The following NDUFAB1 variants were observed in gnomAD, a reference collection of about 807,000 sequenced individuals.
The protein encoded by NDUFAB1 is acyl carrier protein, mitochondrial.
In NDUFAB1, 5 loss-of-function variants were observed where a neutral mutation model predicts 16.1. The ratio of observed to expected loss-of-function variants is 0.31; its 90% confidence interval spans 0.16 to 0.65. The LOEUF (loss-of-function observed/expected upper bound fraction) is 0.65. Ranked by LOEUF, NDUFAB1 falls within the 30% of genes least tolerant of loss-of-function variation. The pLI, the probability that NDUFAB1 is intolerant of heterozygous loss-of-function variation, is 0.77. For synonymous variants in NDUFAB1, 85 were observed against 78.4 expected (o/e 1.08, Z -0.44); for missense variants, 187 against 205.3 (o/e 0.91, Z 0.54).
intron 1 of NDUFAB1, among the ~76,000 whole-genome samples, chr16:23,589,534 G>T (rs759522248): frequency 3.3e-5 from 5 of 152,144 alleles, no homozygotes; most frequent in Admixed American, 1.3e-4. Flanking sequence ...AAATAAAATG[G>T]AGAAGAAAGG....
intron 1 of NDUFAB1, 138 bp from the exon 2 acceptor site, chr16:23,587,457 A>G: frequency 9.3e-7 from 1 of 1,070,444 alleles, no homozygotes; most frequent in Non-Finnish European, 1.3e-6. Flanking sequence ...TGTGGCCACC[A>G]GGACACACTA....
intron 1 of NDUFAB1, among the ~76,000 whole-genome samples, chr16:23,589,910 T>C (rs536610494): frequency 3.2e-5 from 4 of 124,196 alleles, no homozygotes; most frequent in East Asian, 4.8e-4. Context: ...CACTCCAGCC[T>C]GGGCGGCAGG....
chr16:23,594,967 A>T (rs1393688291), intron 1 of NDUFAB1, among the ~76,000 whole-genome samples: 2 of 151,450 alleles, frequency 1.3e-5, no homozygotes, highest in Non-Finnish European at 2.9e-5. Flanking sequence ...AACAACAAAA[A>T]AAAGGCAGGG....
At chr16:23,590,585 G>A (rs1387442809) in intron 1 of NDUFAB1, among the ~76,000 whole-genome samples, 4 of 150,864 alleles carry the variant, frequency 2.7e-5, no homozygotes, top group African/African-American at 9.8e-5. Context: ...TGGCTGTAGC[G>A]TAGCCCCAAA....
chr16:23,591,304 G>C (rs1384578954), intron 1 of NDUFAB1, among the ~76,000 whole-genome samples: 1 of 152,186 alleles, frequency 6.6e-6, no homozygotes, highest in Admixed American at 6.5e-5. Flanking sequence ...ATCAGAGAAG[G>C]TACTGTTTGC....
chr16:23,584,315 A>G (rs1284639415), intron 3 of NDUFAB1, among the ~76,000 whole-genome samples: 1 of 144,166 alleles, frequency 6.9e-6, no homozygotes, highest in Non-Finnish European at 1.5e-5. Context: ...CATCCTCCCT[A>G]GCTCTGGCAA....
chr16:23,581,613 T>A (rs1567406346), intron 4 of NDUFAB1, among the ~76,000 whole-genome samples: 1 of 152,126 alleles, frequency 6.6e-6, no homozygotes, highest in Non-Finnish European at 1.5e-5. Flanking sequence ...TACAATGTTT[T>A]AATTCAAAAA....
Position 23,582,093 on chromosome 16 carries a change from C to T in NDUFAB1, c.*8+183G>A, listed in dbSNP as rs376823310. 23 of 575,708 alleles carry T rather than the reference C, an allele frequency of 4.0e-5. No individual in the cohort carries two copies. In the African/African-American group the frequency reaches 4.3e-4, roughly 11 times the overall value. The allele number at this position is 575,708 out of a possible 1,614,324, so 35.7% of individuals were successfully genotyped here. A position where few individuals can be genotyped will look rare whatever the true frequency, so the allele number is the denominator to read the frequency against. Reference sequence around the variant, plus strand: ...CTATCCAGGAATGACAGTTCTCAACCTCTCAAAGATCACCACCAGGGCTGG... The same window carrying T: ...CTATCCAGGAATGACAGTTCTCAACTTCTCAAAGATCACCACCAGGGCTGG... On this transcript the variant is annotated intron_variant, in intron 4 of 4. Coordinates refer to ENST00000007516, the MANE Select transcript of NDUFAB1 (RefSeq NM_005003.3).
intron 1 of NDUFAB1, among the ~76,000 whole-genome samples, chr16:23,593,849 CTTAT>C (rs57003710): frequency 0.31 from 44,086 of 143,348 alleles, 7,043 homozygotes; most frequent in East Asian, 0.37. Context: ...CTTTTTAACC[CTTAT>C]TTATTTATTT....
chr16:23,586,705 A>G (rs901636799), intron 2 of NDUFAB1, among the ~76,000 whole-genome samples: 2 of 150,100 alleles, frequency 1.3e-5, no homozygotes, highest in African/African-American at 4.9e-5. Context: ...CTGGACTGCA[A>G]TCACGCTATC....
chr16:23,582,276 C>A lies in NDUFAB1; in HGVS notation c.*8G>T. On this transcript the variant is annotated splice_region_variant and 3_prime_UTR_variant, in exon 4 of 5. Transcript: ENST00000007516. ...AACATCATTTTTTAAGTCTATTTAC[C>A]TGATACTTTATTCATATACATCCTT... 2 of 1,508,418 alleles carry A rather than the reference C, an allele frequency of 1.3e-6. No individual in the cohort carries two copies. Among genetic ancestry groups the A allele is most frequent in the Admixed American group, 2.5e-5 (1 of 40,742 alleles). 93.4% of individuals were successfully genotyped at this position (1,508,418 alleles called of 1,614,324 possible). A position where few individuals can be genotyped will look rare whatever the true frequency, so the allele number is the denominator to read the frequency against.
intron 1 of NDUFAB1, among the ~76,000 whole-genome samples, chr16:23,593,410 G>T (rs1966295954): frequency 6.6e-6 from 1 of 152,226 alleles, no homozygotes; most frequent in Non-Finnish European, 1.5e-5. Context: ...GTTCAATGAA[G>T]ATGTAAGCTA....
chr16:23,587,158 CTATATT>C (rs943003329), intron 2 of NDUFAB1, 33 bp downstream of exon 2: 5 of 1,574,732 alleles, frequency 3.2e-6, no homozygotes, highest in African/African-American at 1.4e-5. Flanking sequence ...ATTAAATACT[CTATATT>C]TAAAGAAAAA....
intron 1 of NDUFAB1, among the ~76,000 whole-genome samples, chr16:23,589,156 C>T (rs907725414): frequency 6.6e-6 from 1 of 151,848 alleles, no homozygotes; most frequent in South Asian, 2.1e-4. Context: ...GTTAGCTGGG[C>T]GTGGTAACAT....
At chr16:23,590,418 G>A (rs1448316420) in intron 1 of NDUFAB1, among the ~76,000 whole-genome samples, 1 of 152,102 alleles carries the variant, frequency 6.6e-6, no homozygotes, top group Non-Finnish European at 1.5e-5. Flanking sequence ...GTAAAATGGG[G>A]ATAAACAACA....
At chr16:23,595,418 C>T (rs1312728335) in intron 1 of NDUFAB1, 1 of 376,144 alleles carries the variant, frequency 2.7e-6, no homozygotes, top group Non-Finnish European at 5.2e-6. Context: ...CCCAAATCCC[C>T]GCACACTCAC....
intron 1 of NDUFAB1, among the ~76,000 whole-genome samples, chr16:23,592,008 T>C (rs541237549): frequency 6.6e-6 from 1 of 152,212 alleles, no homozygotes; most frequent in Non-Finnish European, 1.5e-5. Flanking sequence ...AATCCACAGA[T>C]CATTTTAGTT....
intron 4 of NDUFAB1, chr16:23,582,050 C>A: frequency 2.7e-6 from 1 of 370,402 alleles, no homozygotes; most frequent in Non-Finnish European, 4.7e-6. Context: ...GTGAGGACAG[C>A]TGACAATCAA....
intron 4 of NDUFAB1, among the ~76,000 whole-genome samples, chr16:23,581,693 T>C (rs747913453): frequency 9.9e-5 from 15 of 151,836 alleles, no homozygotes; most frequent in Non-Finnish European, 1.5e-4. Context: ...TTTACATCAT[T>C]ATATCAAGTG....
Sources: allele counts gnomAD v4.1 joint callset (sites outside exome capture counted in the v4.1 genomes callset), GRCh38; gene constraint gnomAD v4.1.1; transcripts MANE v1.5; gene names NCBI Gene and HGNC (gene_info 2026-07-23, HGNC 2026-07-21).